Variants in ALDH3B2 observed in about 807,000 individuals in gnomAD.
The protein encoded by ALDH3B2 is aldehyde dehydrogenase 3 family member B2.
Under a neutral mutation model 36.7 loss-of-function variants are expected in ALDH3B2, and 45 were observed. That is an observed-to-expected ratio of 1.23 (90% confidence interval 0.97 to 1.57). The LOEUF is 1.57. Among genes scored for constraint, ALDH3B2 ranks in the 40% most tolerant of loss-of-function variants. The pLI, the probability that ALDH3B2 is intolerant of heterozygous loss-of-function variation, is 0.00. For synonymous variants in ALDH3B2, 217 were observed against 226.5 expected, an observed-to-expected ratio of 0.96 and a Z score of 0.38; for missense variants, 464 against 513.3, an observed-to-expected ratio of 0.90 and a Z score of 0.93.
rs61423854 is a variant in ALDH3B2, at chr11:67,664,689, C to G, written c.707-127G>C. The G allele has an allele frequency of 3.0e-3, 4,078 of 1,354,322 alleles. 92 individuals are homozygous for G. In the African/African-American group the frequency reaches 0.043, roughly 14 times the overall value. 83.9% of individuals were successfully genotyped at this position (1,354,322 alleles called of 1,614,324 possible). ...AGGATCCCAAGGTCTGACTTCCCAG[C>G]GCTTCAGGCTTTGGAGTGTTTAGGG... On this transcript the variant is annotated intron_variant, in intron 7 of 9. Transcript: ENST00000349015.
chr11:67,664,640 G>C (rs1193138395), intron 7 of ALDH3B2, 78 bp from the exon 8 acceptor site: 11 of 1,561,616 alleles, frequency 7.0e-6, no homozygotes, highest in Non-Finnish European at 9.5e-6. Flanking sequence ...GTGGGGACAG[G>C]GGCATGGGCC....
exon 10 of ALDH3B2, chr11:67,663,116 G>A: frequency 3.6e-6 from 5 of 1,386,700 alleles, no homozygotes; most frequent in Non-Finnish European, 4.9e-6. Context: ...GAGGCTGGGG[G>A]AACCTGCGGT....
upstream of ALDH3B2, among the ~76,000 whole-genome samples, chr11:67,677,869 C>T (rs1856298893): frequency 6.6e-6 from 1 of 151,572 alleles, no homozygotes; most frequent in African/African-American, 2.4e-5. Context: ...AAAAAACAAA[C>T]AAAAAAACAA....
intron 5 of ALDH3B2, 53 bp downstream of exon 5, chr11:67,666,263 A>G (rs1668774037): frequency 3.7e-6 from 6 of 1,612,688 alleles, no homozygotes; most frequent in Admixed American, 1.7e-5. Context: ...TCCTCAGCCC[A>G]CAGGGGTGAT....
exon 8 of ALDH3B2, chr11:67,664,450 G>T (rs1855839800): frequency 1.2e-6 from 2 of 1,614,150 alleles, no homozygotes; most frequent in Non-Finnish European, 1.7e-6. Context: ...GCCGGTTGAT[G>T]AACTTGATGG....
chr11:67,663,316 C>T lies in ALDH3B2; in HGVS notation c.1057G>A (p.Gly353Ser), dbSNP rs767104617. 2.9e-5 allele frequency: 46 copies of T among 1,614,012 alleles called. No homozygotes were observed. Among genetic ancestry groups the T allele is most frequent in the Admixed American group, 1.0e-4 (6 of 60,000 alleles). The change falls in exon 10 of 10, where the codon GGC (glycine) becomes AGC (serine). Residue 353 changes from glycine (G) to serine (S), a missense_variant. By Grantham distance (56) the Gly-to-Ser change is moderately conservative. Coordinates refer to ENST00000349015, the Ensembl canonical transcript of ALDH3B2. Reference sequence around the variant, plus strand: ...TGGATCTCCTTTAATTTCTCCAGGCCGGAGGGGGCGAGCAGGCAGGTGCGG... The same window carrying T: ...TGGATCTCCTTTAATTTCTCCAGGCTGGAGGGGGCGAGCAGGCAGGTGCGG...
exon 4 of ALDH3B2, chr11:67,666,634 C>T (rs748729064): frequency 3.1e-6 from 5 of 1,613,998 alleles, no homozygotes; most frequent in Non-Finnish European, 4.2e-6. Flanking sequence ...TTCCAGGGTG[C>T]GATGATGAGG....
chr11:67,678,981 C>T (rs999244917), upstream of ALDH3B2, among the ~76,000 whole-genome samples: 6 of 151,856 alleles, frequency 4.0e-5, no homozygotes, highest in Admixed American at 6.6e-5. Flanking sequence ...GCTATGAGGA[C>T]GCAAAGCATA....
At chr11:67,676,972 C>T (rs1439202572), upstream of ALDH3B2, among the ~76,000 whole-genome samples, 2 of 150,228 alleles carry the variant, frequency 1.3e-5, no homozygotes, top group Admixed American at 1.3e-4. Context: ...AAATTACCAA[C>T]AAAAAAAAAG....
chr11:67,674,634 T>A (rs969186713), upstream of ALDH3B2: 1 of 152,462 alleles, frequency 6.6e-6, no homozygotes, highest in Non-Finnish European at 1.5e-5. Context: ...AATGGGGTGA[T>A]GCTCAGTGTT....
chr11:67,671,255 C>A (rs1210202245), intron 1 of ALDH3B2: 10 of 152,298 alleles, frequency 6.6e-5, no homozygotes, highest in Non-Finnish European at 1.2e-4. Context: ...CCTTTCTGGG[C>A]AGTCGTCGCC....
upstream of ALDH3B2, among the ~76,000 whole-genome samples, chr11:67,675,226 C>A (rs1009684402): frequency 9.2e-5 from 14 of 152,144 alleles, no homozygotes; most frequent in Non-Finnish European, 1.9e-4. Flanking sequence ...ACTGTGCAAC[C>A]GTGGGTAGGT....
At chr11:67,671,386 G>A (rs1856107571) in intron 1 of ALDH3B2, 1 of 152,220 alleles carries the variant, frequency 6.6e-6, no homozygotes, top group Admixed American at 6.5e-5. Context: ...TCTCATGCAA[G>A]GTGCTTTCTT....
chr11:67,665,231 C>G lies in ALDH3B2; in HGVS notation c.706+54G>C, dbSNP rs931994717. On this transcript the variant is annotated intron_variant, in intron 7 of 9. Coordinates refer to ENST00000349015, the Ensembl canonical transcript of ALDH3B2. ...GACTCGTGGCCCAGCCGTGGGCCCT[C>G]CATTGAGAAAGGGTCTTGGCCCAGG... is the stretch of plus-strand genomic sequence containing the variant. 32 of 1,543,296 alleles carry G rather than the reference C, an allele frequency of 2.1e-5. No individual in the cohort carries two copies. The African/African-American group carries it at 3.8e-4, about 19-fold the overall frequency.
In ALDH3B2 at chr11:67,664,892, T is replaced by G. The variant is rs1378926740; in HGVS notation, c.707-330A>C. Among the ~76,000 whole-genome samples the G allele has an allele frequency of 2.0e-5, 3 of 152,300 alleles. No homozygotes were observed. The East Asian group carries it at 5.8e-4, about 29-fold the overall frequency. On this transcript the variant is annotated intron_variant, in intron 7 of 9. Coordinates refer to ENST00000349015, the Ensembl canonical transcript of ALDH3B2. ...AGAATGTTGGAGCTGCAGTGTCCCA[T>G]GAGCTGCTGAGTCATACGGCCCAGG...
At chr11:67,674,001 C>T (rs2279126) in intron 1 of ALDH3B2, among the ~76,000 whole-genome samples, 110,004 of 152,150 alleles carry the variant, frequency 0.72, 41,856 homozygotes, top group South Asian at 0.9. Context: ...ATCCGACTTT[C>T]GCTTCAACTG....
chr11:67,670,378 C>T (rs1403337498), intron 1 of ALDH3B2, among the ~76,000 whole-genome samples: 2 of 151,874 alleles, frequency 1.3e-5, no homozygotes, highest in African/African-American at 2.4e-5. Context: ...TGTGTGTCTG[C>T]GTGTGGACTT....
At chr11:67,676,807 A>C (rs1856281892), upstream of ALDH3B2, among the ~76,000 whole-genome samples, 1 of 152,176 alleles carries the variant, frequency 6.6e-6, no homozygotes. Flanking sequence ...AAGAGCATTC[A>C]AGGCTATGGT....
chr11:67,675,783 G>A (rs965030070), upstream of ALDH3B2, among the ~76,000 whole-genome samples: 1 of 152,228 alleles, frequency 6.6e-6, no homozygotes, highest in Non-Finnish European at 1.5e-5. Context: ...CACTGGGGAG[G>A]CCCACTGCCT....
Sources: allele counts gnomAD v4.1 joint callset (sites outside exome capture counted in the v4.1 genomes callset), GRCh38; gene constraint gnomAD v4.1.1; transcripts MANE v1.5; gene names NCBI Gene and HGNC (gene_info 2026-07-23, HGNC 2026-07-21).